PTAR1: variants seen among roughly 807,000 people sequenced by gnomAD.
PTAR1 encodes the protein protein prenyltransferase alpha subunit repeat containing 1, also known as protein prenyltransferase alpha subunit repeat-containing protein 1.
In PTAR1, 17 loss-of-function variants were observed where a neutral mutation model predicts 45.5. The observed-to-expected ratio is 0.37, with a 90% CI of 0.26 to 0.56. The LOEUF is 0.56. Ranked by LOEUF, PTAR1 falls within the 20% of genes least tolerant of loss-of-function variation. The pLI, the probability that PTAR1 is intolerant of heterozygous loss-of-function variation, is 0.77. For missense variants in PTAR1, 391 were observed against 476.3 expected (o/e 0.82, Z 1.67); for synonymous variants, 169 against 171.3 (o/e 0.99, Z 0.11).
Position 69,723,443 on chromosome 9 carries a change from G to A in PTAR1, c.830C>T (p.Ala277Val), listed in dbSNP as rs372609507. ...CCTTGGTTCTTCTGTTGAAACTGCT[G>A]CTTCTTCATCTTTTGGAGGAACTAG... ...PALVPPKDEE[A>V]AVSTEEPRIN... The change falls in exon 6 of 8, where the codon GCA becomes GTA. Residue 277 changes from alanine (A) to valine (V), a missense_variant. Coordinates refer to ENST00000340434, the MANE Select transcript of PTAR1 (RefSeq NM_001099666.2). 1.9e-6 allele frequency: 3 copies of A among 1,613,870 alleles called. No homozygotes were observed. The highest frequency in any genetic ancestry group is 2.7e-5 in the African/African-American group (2 of 75,034).
intron 1 of PTAR1, among the ~76,000 whole-genome samples, chr9:69,759,389 T>C (rs546871043): frequency 6.6e-6 from 1 of 152,270 alleles, no homozygotes; most frequent in South Asian, 2.1e-4. Flanking sequence ...CACCTTTAGT[T>C]AGTAAACTGA....
In PTAR1 at chr9:69,732,325, C is replaced by G. The variant is rs762701250; in HGVS notation, c.456G>C (p.Gln152His). 6.2e-7 allele frequency: 1 copy of G among 1,613,804 alleles called. No individual in the cohort carries two copies. Among genetic ancestry groups the G allele is most frequent in the South Asian group, 1.1e-5 (1 of 91,070 alleles). Residue 152 changes from glutamine to histidine, a missense_variant, in exon 5 of 8, where the codon CAG becomes CAC. Physicochemically the swap from Gln to His is conservative, Grantham distance 24 (BLOSUM62 0). Transcript: ENST00000340434. ...HRRWVLQQLIQETSLPSFVTK... is the reference protein window; with the variant it reads ...HRRWVLQQLIHETSLPSFVTK... The stretch of plus-strand genomic sequence containing the variant: ...TCACAAAGGAAGGCAAGGAGGTTTC[C>G]TGAATTAGCTGTTGTAGCACCCATC...
rs1352264945 is a variant in PTAR1, at chr9:69,713,287, CACCT to C, written c.*5051_*5054del. 6.6e-6 allele frequency: 1 copy of C among 152,136 alleles called. No homozygotes were observed. 9.4% of individuals were successfully genotyped at this position (152,136 alleles called of 1,614,324 possible). A position where few individuals can be genotyped will look rare whatever the true frequency, so the allele number is the denominator to read the frequency against. Reference sequence around the variant, plus strand: ...GTTGGGAGCCTGAGGTTTCCTCTCCCACCTGAGATCCACAACTGATTCATTGGTT... The same window carrying C: ...GTTGGGAGCCTGAGGTTTCCTCTCCCGAGATCCACAACTGATTCATTGGTT... On this transcript the variant is annotated 3_prime_UTR_variant, in exon 8 of 8. Coordinates refer to ENST00000340434, the MANE Select transcript of PTAR1 (RefSeq NM_001099666.2).
At chr9:69,751,412 TA>T (rs1490115153) in intron 1 of PTAR1, among the ~76,000 whole-genome samples, 2 of 151,300 alleles carry the variant, frequency 1.3e-5, no homozygotes, top group South Asian at 4.2e-4. Context: ...TATGCTGACA[TA>T]AAAAAAGTTG....
chr9:69,736,171 T>G (rs866010077), intron 3 of PTAR1, among the ~76,000 whole-genome samples: 9 of 152,192 alleles, frequency 5.9e-5, no homozygotes, highest in African/African-American at 1.7e-4. Flanking sequence ...CTGGAACTTA[T>G]GCGAAATGCA....
chr9:69,737,907 A>G (rs1317368033), intron 3 of PTAR1, among the ~76,000 whole-genome samples: 1 of 152,140 alleles, frequency 6.6e-6, no homozygotes, highest in Non-Finnish European at 1.5e-5. Context: ...CCCTGTACCT[A>G]GTTTCTCTGC....
In PTAR1 at chr9:69,723,382, T is replaced by C. The variant is rs1421063705; in HGVS notation, c.891A>G (p.Glu297=). 1.2e-6 allele frequency: 2 copies of C among 1,613,940 alleles called. No individual in the cohort carries two copies. The highest frequency in any genetic ancestry group is 2.2e-5 in the East Asian group (1 of 44,862). ...NLPHLLEEEV[E]FSTDLIDSYP... is the part of the protein sequence containing the mutation. ...AGGAATCAATAAGATCAGTGCTGAA[T>C]TCAACTTCTTCTTCTAGAAGATGGG... The change falls in exon 6 of 8, where the codon GAA becomes GAG. Residue 297 remains glutamate (E), a synonymous_variant. Coordinates refer to ENST00000340434, the MANE Select transcript of PTAR1 (RefSeq NM_001099666.2).
At chr9:69,738,674 T>C (rs1825901541) in intron 3 of PTAR1, among the ~76,000 whole-genome samples, 2 of 152,170 alleles carry the variant, frequency 1.3e-5, no homozygotes, top group Non-Finnish European at 2.9e-5. Flanking sequence ...TCCAAGCTCA[T>C]CTTGTATACT....
At chr9:69,746,572 A>T (rs936496817) in intron 2 of PTAR1, among the ~76,000 whole-genome samples, 3 of 152,188 alleles carry the variant, frequency 2.0e-5, no homozygotes, top group African/African-American at 7.2e-5. Context: ...GACATGAGCT[A>T]CTGAAATCTC....
At chr9:69,747,429 TA>T in intron 2 of PTAR1, among the ~76,000 whole-genome samples, 1 of 152,286 alleles carries the variant, frequency 6.6e-6, no homozygotes, top group African/African-American at 2.4e-5. Flanking sequence ...GGCATGGAAG[TA>T]AGGCAGTAGT....
intron 5 of PTAR1, among the ~76,000 whole-genome samples, chr9:69,724,636 T>C (rs1393472578): frequency 1.3e-5 from 2 of 151,584 alleles, no homozygotes; most frequent in Non-Finnish European, 2.9e-5. Flanking sequence ...CGCGGGAATC[T>C]TTCCTTTTGC....
Position 69,750,796 on chromosome 9 carries a change from A to G in PTAR1, c.241T>C (p.Trp81Arg). ...KLLLYRTRKQWLNRDELIDVT... is the reference protein window; with the variant it reads ...KLLLYRTRKQRLNRDELIDVT... ...TCATACTTACCATCTCTGTTCAGCC[A>G]TTGCTTTCTTGTTCTGTACAAAAGG... The change falls in exon 2 of 8, where the codon TGG becomes CGG. Residue 81 changes from tryptophan to arginine, a missense_variant. Around this residue, in one of 5 missense-constraint regions of PTAR1, gnomAD observed 152 missense variants for 160.0 expected, o/e 0.95. Transcript: ENST00000340434. 1 of 1,606,992 alleles carries G rather than the reference A, an allele frequency of 6.2e-7. No homozygotes were observed. The highest frequency in any genetic ancestry group is 2.2e-5 in the East Asian group (1 of 44,810).
rs1029869569 is a variant in PTAR1, at chr9:69,716,569, G to A, written c.*1773C>T. 6.6e-6 allele frequency: 1 copy of A among 152,062 alleles called. No individual in the cohort carries two copies. The highest frequency in any genetic ancestry group is 2.4e-5 in the African/African-American group (1 of 41,430). The allele number at this position is 152,062 out of a possible 1,614,324, so 9.4% of individuals were successfully genotyped here. ...AAGGACATATTTCTTCTTCTTTAAG[G>A]CAGTCTACCTAACTCAAGTCCAGGC... On this transcript the variant is annotated 3_prime_UTR_variant, in exon 8 of 8. Coordinates refer to ENST00000340434, the MANE Select transcript of PTAR1 (RefSeq NM_001099666.2).
In PTAR1 at chr9:69,718,091, G is replaced by A; in HGVS notation, c.*251C>T. The A allele has an allele frequency of 2.7e-6, 1 of 375,440 alleles. No individual in the cohort carries two copies. Among genetic ancestry groups the A allele is most frequent in the Non-Finnish European group, 4.8e-6 (1 of 208,046 alleles). The allele number at this position is 375,440 out of a possible 1,614,324, so 23.3% of individuals were successfully genotyped here. A position where few individuals can be genotyped will look rare whatever the true frequency, so the allele number is the denominator to read the frequency against. On this transcript the variant is annotated 3_prime_UTR_variant, in exon 8 of 8. Transcript: ENST00000340434. ...GAAGCCCCACATATAGAAATACAAA[G>A]GGTGAGAAGTTAAACAGAAAATTTA...
intron 2 of PTAR1, among the ~76,000 whole-genome samples, chr9:69,742,812 T>C (rs181309020): frequency 1.8e-4 from 28 of 152,264 alleles, no homozygotes; most frequent in African/African-American, 6.5e-4. Flanking sequence ...AGAAACATTT[T>C]CATTGTTTAC....
At position 69,713,864 on chromosome 9, in the gene PTAR1, A is replaced by C. The variant is rs1258904486; in HGVS notation, c.*4478T>G. ...GCCTGCTTATATCAGTCTCTCACTG[A>C]AGGATAAAATACCCTACGGGGCCAT... On this transcript the variant is annotated 3_prime_UTR_variant, in exon 8 of 8. Transcript: ENST00000340434. 6.6e-6 allele frequency: 1 copy of C among 152,152 alleles called. No individual in the cohort carries two copies. The highest frequency in any genetic ancestry group is 1.5e-5 in the Non-Finnish European group (1 of 67,998). The allele number at this position is 152,152 out of a possible 1,614,324, so 9.4% of individuals were successfully genotyped here. A position where few individuals can be genotyped will look rare whatever the true frequency, so the allele number is the denominator to read the frequency against.
chr9:69,742,133 G>C (rs1443890092), intron 2 of PTAR1, among the ~76,000 whole-genome samples: 4 of 151,868 alleles, frequency 2.6e-5, no homozygotes, highest in Non-Finnish European at 1.5e-5. Context: ...CTTCCTTTTG[G>C]GTGCTTTTTG....
chr9:69,732,199 G>A lies in PTAR1; in HGVS notation c.582C>T (p.Asn194=). The A allele has an allele frequency of 6.2e-7, 1 of 1,613,798 alleles. No individual in the cohort carries two copies. The highest frequency in any genetic ancestry group is 8.5e-7 in the Non-Finnish European group (1 of 1,179,796). The change falls in exon 5 of 8, where the codon AAC becomes AAT. Residue 194 remains asparagine, a synonymous_variant. Transcript: ENST00000340434. The stretch of plus-strand genomic sequence containing the variant: ...AGATGCGATGGGACCAAGCATTATA[G>A]TTGCTTGGGTATCTCCCTGCTGCTT... ...CGEAAGRYPS[N]YNAWSHRIWV...
intron 5 of PTAR1, among the ~76,000 whole-genome samples, chr9:69,724,016 A>G (rs1026681445): frequency 6.6e-5 from 10 of 152,218 alleles, no homozygotes; most frequent in Non-Finnish European, 1.0e-4. Context: ...AACTCAGATT[A>G]CTTTGATATA....
Sources: gnomAD v4.1 joint callset for allele counts (sites outside exome capture counted in the v4.1 genomes callset) on GRCh38, gnomAD v4.1.1 for gene constraint, gnomAD v4.1.1 regional missense constraint, MANE v1.5 for transcripts, NCBI Gene and HGNC (gene_info 2026-07-23, HGNC 2026-07-21) for gene names.